The following PRKCE variants were observed in gnomAD, a reference collection of about 807,000 sequenced individuals.
PRKCE encodes the protein protein kinase C epsilon type.
In PRKCE, 16 loss-of-function variants were observed where a neutral mutation model predicts 85.4. The ratio of observed to expected loss-of-function variants is 0.19; its 90% confidence interval spans 0.13 to 0.28. The LOEUF (loss-of-function observed/expected upper bound fraction) is 0.28, where lower values mean the gene tolerates loss of function less well. Ranked by LOEUF, PRKCE falls within the 10% of genes least tolerant of loss-of-function variation. The pLI is 1.00. For missense variants in PRKCE, 573 were observed against 975.2 expected, an observed-to-expected ratio of 0.59 and a Z score of 5.49; for synonymous variants, 388 against 371.5, an observed-to-expected ratio of 1.04 and a Z score of -0.51.
At chr2:46,167,868 C>A (rs1450706010) in intron 14 of PRKCE, 2 of 152,080 alleles carry the variant, frequency 1.3e-5, no homozygotes, top group Non-Finnish European at 2.9e-5. Context: ...GCCCTCAGCA[C>A]CCCAGCCCTG....
At chr2:45,869,187 C>T (rs1480476372) in intron 2 of PRKCE, among the ~76,000 whole-genome samples, 2 of 152,274 alleles carry the variant, frequency 1.3e-5, no homozygotes, top group East Asian at 1.9e-4. Flanking sequence ...TGGCTAAATA[C>T]TTCAAATTTA....
chr2:46,135,745 G>GTTTTTT (rs1558491144), intron 11 of PRKCE, among the ~76,000 whole-genome samples: 16 of 14,916 alleles, frequency 1.1e-3, no homozygotes, highest in African/African-American at 4.0e-3. Context: ...AACAAATTAT[G>GTTTTTT]CTTTTTTTTT....
At chr2:45,930,079 T>G (rs1012641430) in intron 2 of PRKCE, among the ~76,000 whole-genome samples, 1 of 152,266 alleles carries the variant, frequency 6.6e-6, no homozygotes, top group African/African-American at 2.4e-5. Context: ...CCTGCTCTTA[T>G]TATTCAAGTC....
chr2:45,857,527 G>A (rs1692774230), intron 2 of PRKCE, among the ~76,000 whole-genome samples: 2 of 152,178 alleles, frequency 1.3e-5, no homozygotes, highest in African/African-American at 4.8e-5. Flanking sequence ...CATCACAAGG[G>A]CCAACATTTT....
chr2:45,802,218 T>G (rs1170985055), intron 1 of PRKCE, among the ~76,000 whole-genome samples: 1 of 151,986 alleles, frequency 6.6e-6, no homozygotes, highest in Non-Finnish European at 1.5e-5. Context: ...TGAGCTATGA[T>G]CACACTCCAG....
chr2:45,811,437 T>C (rs1688645153), intron 1 of PRKCE, among the ~76,000 whole-genome samples: 1 of 152,236 alleles, frequency 6.6e-6, no homozygotes, highest in African/African-American at 2.4e-5. Flanking sequence ...TGAATATGTT[T>C]GTGAATCCAT....
intron 1 of PRKCE, among the ~76,000 whole-genome samples, chr2:45,665,740 T>A (rs1361512680): frequency 1.3e-5 from 2 of 152,212 alleles, no homozygotes; most frequent in Non-Finnish European, 2.9e-5. Flanking sequence ...GCATGGGACA[T>A]TCTTATACTA....
In PRKCE at chr2:46,002,846, A is replaced by G. The variant is rs779734313; in HGVS notation, c.966+1300A>G. On this transcript the variant is annotated intron_variant, in intron 7 of 14. Coordinates refer to ENST00000306156, the MANE Select transcript of PRKCE (RefSeq NM_005400.3). ...AACACATTTAAAAGCTCTAGAGAGA[A>G]CCCTTTTCAGGAGACATGGTTTTTA... is the stretch of plus-strand genomic sequence containing the variant. Among the ~76,000 whole-genome samples the G allele has an allele frequency of 7.2e-5, 11 of 152,206 alleles. No homozygotes were observed. The South Asian group carries it at 1.0e-3, about 14-fold the overall frequency.
chr2:45,882,432 C>G (rs1694956706), intron 2 of PRKCE, among the ~76,000 whole-genome samples: 1 of 152,216 alleles, frequency 6.6e-6, no homozygotes, highest in East Asian at 1.9e-4. Flanking sequence ...AGTCTGAAGC[C>G]TCATTGGATG....
intron 1 of PRKCE, among the ~76,000 whole-genome samples, chr2:45,821,853 G>C (rs1283460512): frequency 6.6e-6 from 1 of 152,184 alleles, no homozygotes; most frequent in Non-Finnish European, 1.5e-5. Flanking sequence ...TATCTGCTGG[G>C]TGGATTCATG....
At chr2:45,676,882 T>C (rs1477288342) in intron 1 of PRKCE, 1 of 152,208 alleles carries the variant, frequency 6.6e-6, no homozygotes, top group Non-Finnish European at 1.5e-5. Flanking sequence ...ACCAGGAACA[T>C]GCCTAGATAG....
chr2:46,029,697 T>G (rs867000078), intron 10 of PRKCE, among the ~76,000 whole-genome samples: 3 of 151,478 alleles, frequency 2.0e-5, no homozygotes, highest in East Asian at 1.9e-4. Context: ...TTTTTTTTTT[T>G]TGTGGGAAAG....
At chr2:46,127,588 G>A (rs147362875) in intron 11 of PRKCE, among the ~76,000 whole-genome samples, 2 of 152,336 alleles carry the variant, frequency 1.3e-5, no homozygotes, top group South Asian at 2.1e-4. Context: ...TGTGGGGAAC[G>A]TATGATGGCC....
chr2:45,876,378 A>G (rs922085164), intron 2 of PRKCE, among the ~76,000 whole-genome samples: 4 of 152,194 alleles, frequency 2.6e-5, no homozygotes, highest in African/African-American at 4.8e-5. Context: ...TACTCCAGCC[A>G]CATCACTTCC....
At chr2:46,026,242 C>A in intron 10 of PRKCE, among the ~76,000 whole-genome samples, 1 of 152,050 alleles carries the variant, frequency 6.6e-6, no homozygotes, top group African/African-American at 2.4e-5. Flanking sequence ...GGAGAGTATA[C>A]GAAGTTAGAG....
chr2:46,099,500 A>AT (rs56086039), intron 11 of PRKCE, among the ~76,000 whole-genome samples: 2,720 of 146,636 alleles, frequency 0.019, 55 homozygotes, highest in African/African-American at 0.052. Flanking sequence ...AAGGTATGGT[A>AT]TTTTTTTTTT....
At chr2:45,899,472 C>A (rs1245969572) in intron 2 of PRKCE, among the ~76,000 whole-genome samples, 1 of 151,998 alleles carries the variant, frequency 6.6e-6, no homozygotes, top group African/African-American at 2.4e-5. Flanking sequence ...CCTCAATCTC[C>A]CTAGGCTCAG....
At chr2:45,777,620 A>G (rs756942357) in intron 1 of PRKCE, among the ~76,000 whole-genome samples, 1 of 152,190 alleles carries the variant, frequency 6.6e-6, no homozygotes, top group Non-Finnish European at 1.5e-5. Flanking sequence ...TAGCAACTCT[A>G]TGCAGTACGT....
At chr2:46,072,774 G>C (rs1668188879) in intron 10 of PRKCE, among the ~76,000 whole-genome samples, 2 of 152,340 alleles carry the variant, frequency 1.3e-5, no homozygotes, top group South Asian at 4.1e-4. Context: ...AGGAAGCCAT[G>C]GTTTTGATGG....
Sources: gnomAD v4.1 joint callset for allele counts (sites outside exome capture counted in the v4.1 genomes callset) on GRCh38, gnomAD v4.1.1 for gene constraint, MANE v1.5 for transcripts, NCBI Gene and HGNC (gene_info 2026-07-23, HGNC 2026-07-21) for gene names.